RABL2B: variants seen among roughly 807,000 people sequenced by gnomAD.
RABL2B encodes RAB, member of RAS oncogene family like 2B.
RABL2B carries 17 observed loss-of-function variants against 26.7 expected under a neutral mutation model. That is an observed-to-expected ratio of 0.64 (90% CI 0.44 to 0.95). The LOEUF (loss-of-function observed/expected upper bound fraction) is 0.95, where lower values mean the gene tolerates loss of function less well. RABL2B is among the 40% of genes least tolerant of loss of function. RABL2B has a pLI of 0.00. For synonymous variants in RABL2B, 70 were observed against 103.9 expected (o/e 0.67, Z 1.99); for missense variants, 170 against 277.2 (o/e 0.61, Z 2.75).
At chr22:50,770,506 A>T (rs2083982260) in intron 5 of RABL2B, 1 of 164,992 alleles carries the variant, frequency 6.1e-6, no homozygotes, top group Admixed American at 5.6e-5. Flanking sequence ...AACAAGAGCA[A>T]AACTCTGTCT....
In RABL2B at chr22:50,783,569, G is replaced by C. The variant is rs1555932533; in HGVS notation, c.-122C>G. On this transcript the variant is annotated 5_prime_UTR_variant, in exon 1 of 9. Coordinates refer to ENST00000691320, the MANE Select transcript of RABL2B (RefSeq NM_001130919.3). ...GTCGGCCCCTCGGGCCCTGCCGCCA[G>C]TCTGGACTCTGCGCGCTCTCGAACC... The C allele has an allele frequency of 2.6e-5, 4 of 152,492 alleles. No homozygotes were observed. The highest frequency in any genetic ancestry group is 9.6e-5 in the African/African-American group (4 of 41,486). The allele number at this position is 152,492 out of a possible 1,614,324, so 9.4% of individuals were successfully genotyped here. A position where few individuals can be genotyped will look rare whatever the true frequency, so the allele number is the denominator to read the frequency against.
chr22:50,769,751 G>A (rs575625238), intron 6 of RABL2B, 154 bp downstream of exon 6: 36 of 865,534 alleles, frequency 4.2e-5, no homozygotes, highest in Admixed American at 8.0e-5. Flanking sequence ...TCTTTATAAG[G>A]TGGGAAGAAT....
rs2084385117 is a variant in RABL2B at position 50,772,834 on chromosome 22, C to T, written c.298-2818G>A. The T allele has an allele frequency of 3.4e-6, 4 of 1,170,410 alleles. No individual in the cohort carries two copies. In the East Asian group the frequency reaches 2.4e-4, roughly 69 times the overall value. 72.5% of individuals were successfully genotyped at this position (1,170,410 alleles called of 1,614,324 possible). A position where few individuals can be genotyped will look rare whatever the true frequency, so the allele number is the denominator to read the frequency against. On this transcript the variant is annotated intron_variant, in intron 5 of 8. Transcript: ENST00000691320. ...GGTCTGGTTTCCTGAGCATCTGTTC[C>T]TTGTTTTGAGAGCTGAGGAGGAGCT...
Position 50,768,688 on chromosome 22 carries a change from G to A in RABL2B, c.*88C>T. 6.7e-7 allele frequency: 1 copy of A among 1,501,004 alleles called. No individual in the cohort carries two copies. The highest frequency in any genetic ancestry group is 8.9e-7 in the Non-Finnish European group (1 of 1,124,842). 93.0% of individuals were successfully genotyped at this position (1,501,004 alleles called of 1,614,324 possible). On this transcript the variant is annotated 3_prime_UTR_variant, in exon 9 of 9. Coordinates refer to ENST00000691320, the MANE Select transcript of RABL2B (RefSeq NM_001130919.3). ...GTTGCAGGAGGTAGAAGAGGGGATG[G>A]CCTAGAGAGTTTCTCCATTCAGAGC...
At chr22:50,769,577 GTC>G (rs144874090) in intron 6 of RABL2B, 25 bp from the exon 7 acceptor site, 101,147 of 1,610,264 alleles carry the variant, frequency 0.063, 4,944 homozygotes, top group African/African-American at 0.26. Context: ...TAGGACATTG[GTC>G]TGTCTGTCAA....
chr22:50,780,897 C>A (rs2085725064), intron 2 of RABL2B, among the ~76,000 whole-genome samples: 1 of 152,154 alleles, frequency 6.6e-6, no homozygotes, highest in Non-Finnish European at 1.5e-5. Context: ...TTGCTTTACA[C>A]CTGCCTGCCA....
At chr22:50,771,842 T>C (rs1434530368) in intron 5 of RABL2B, 5 of 151,904 alleles carry the variant, frequency 3.3e-5, no homozygotes, top group Admixed American at 3.3e-4. Flanking sequence ...ACTCCCGGTC[T>C]CAAGTGATCC....
chr22:50,781,276 G>A (rs147475742), intron 2 of RABL2B, among the ~76,000 whole-genome samples: 7,844 of 151,146 alleles, frequency 0.052, 227 homozygotes, highest in African/African-American at 0.081. Flanking sequence ...CCCGGGAGGC[G>A]GAGCTTGCAG....
At chr22:50,779,277 C>T (rs1250966024) in intron 2 of RABL2B, among the ~76,000 whole-genome samples, 2 of 151,442 alleles carry the variant, frequency 1.3e-5, no homozygotes, top group African/African-American at 2.4e-5. Context: ...AGAACCAGCT[C>T]GGCAGGCCTG....
At position 50,782,271 on chromosome 22, in the gene RABL2B, C is replaced by T. The variant is rs201767840; in HGVS notation, c.24G>A (p.Pro8=). Residue 8 remains proline (P), a synonymous_variant, in exon 2 of 9, where the codon CCG becomes CCA. Coordinates refer to ENST00000691320, the MANE Select transcript of RABL2B (RefSeq NM_001130919.3). The part of the protein sequence containing the change: MAEDKTK[P]SELDQGKYDA... ...CATACTTCCCTTGGTCCAACTCACT[C>T]GGTTTGGTTTTGTCTTCTGCCATTG... 1.1e-3 allele frequency: 1,772 copies of T among 1,553,512 alleles called. 26 individuals carry two copies. In the Admixed American group the frequency reaches 0.026, roughly 22 times the overall value.
In RABL2B at chr22:50,768,734, G is replaced by T. The variant is rs782600709; in HGVS notation, c.*42C>A. The T allele has an allele frequency of 1.2e-5, 19 of 1,601,168 alleles. No homozygotes were observed. In the African/African-American group the frequency reaches 2.4e-4, roughly 20 times the overall value. ...AGAGCTGGAGAGTTGTTGAAGGGAA[G>T]GGTATTTTAAAAGGGCTCCACCCAC... On this transcript the variant is annotated 3_prime_UTR_variant, in exon 9 of 9. Transcript: ENST00000691320.
chr22:50,780,654 G>C, intron 2 of RABL2B: 1 of 470,442 alleles, frequency 2.1e-6, no homozygotes, highest in Non-Finnish European at 4.4e-6. Context: ...CTTTGTATCT[G>C]GGACAACCTT....
chr22:50,775,968 A>G lies in RABL2B; in HGVS notation c.218-117T>C, dbSNP rs1390010170. 17 of 972,462 alleles carry G rather than the reference A, an allele frequency of 1.7e-5. No individual in the cohort carries two copies. The African/African-American group carries it at 2.2e-4, about 13-fold the overall frequency. The allele number at this position is 972,462 out of a possible 1,614,324, so 60.2% of individuals were successfully genotyped here. A position where few individuals can be genotyped will look rare whatever the true frequency, so the allele number is the denominator to read the frequency against. On this transcript the variant is annotated intron_variant, in intron 4 of 8. Coordinates refer to ENST00000691320, the MANE Select transcript of RABL2B (RefSeq NM_001130919.3). ...ATGTGTGAGTGTACATGGGGAGCAC[A>G]GGGAGAAACAGAGACTATACAGCCC...
chr22:50,777,597 C>A lies in RABL2B; in HGVS notation c.137+355G>T. On this transcript the variant is annotated intron_variant, in intron 3 of 8. Transcript: ENST00000691320. ...AGAGATTTTTTTCAATAGTAGGGGG[C>A]CCAAGCTTTGAGGTTAGAGAGGTTA... is the stretch of plus-strand genomic sequence containing the variant. 3 of 337,564 alleles carry A rather than the reference C, an allele frequency of 8.9e-6. No individual in the cohort carries two copies. In the South Asian group the frequency reaches 9.0e-5, roughly 10 times the overall value. 20.9% of individuals were successfully genotyped at this position (337,564 alleles called of 1,614,324 possible).
chr22:50,768,605 T>A lies in RABL2B; in HGVS notation c.*171A>T. On this transcript the variant is annotated 3_prime_UTR_variant, in exon 9 of 9. Coordinates refer to ENST00000691320, the MANE Select transcript of RABL2B (RefSeq NM_001130919.3). ...CTTCCACCAGTCCAGAGTTTGCTGG[T>A]GCTGACCTCATCCCTGTATCACGGG... 3 of 1,443,004 alleles carry A rather than the reference T, an allele frequency of 2.1e-6. No homozygotes were observed. Among genetic ancestry groups the A allele is most frequent in the Non-Finnish European group, 2.8e-6 (3 of 1,089,372 alleles). 89.4% of individuals were successfully genotyped at this position (1,443,004 alleles called of 1,614,324 possible).
chr22:50,781,549 A>G (rs1555929239), intron 2 of RABL2B, among the ~76,000 whole-genome samples: 1 of 152,152 alleles, frequency 6.6e-6, no homozygotes, highest in Non-Finnish European at 1.5e-5. Context: ...GGCCTGGAGT[A>G]CTTGGGAGAT....
At chr22:50,774,149 C>A (rs1259333301) in intron 5 of RABL2B, among the ~76,000 whole-genome samples, 2 of 152,238 alleles carry the variant, frequency 1.3e-5, no homozygotes, top group African/African-American at 4.8e-5. Context: ...CCCGCCTCGG[C>A]CTCCCAAAGT....
chr22:50,782,224 A>G lies in RABL2B; in HGVS notation c.71T>C (p.Ile24Thr). 2 of 1,566,418 alleles carry G rather than the reference A, an allele frequency of 1.3e-6. No individual in the cohort carries two copies. The highest frequency in any genetic ancestry group is 1.7e-6 in the Non-Finnish European group (2 of 1,146,462). ...CACTGCGCTGTCTCCCAGGCAGATG[A>G]TCTTCACGTTGTCATCAGCATCATA... ...GKYDADDNVK[I>T]ICLGDSAVGK... The change falls in exon 2 of 9, where the codon ATC (isoleucine) becomes ACC (threonine). Residue 24 changes from isoleucine (I) to threonine (T), a missense_variant. Physicochemically the swap from Ile to Thr is moderately conservative, Grantham distance 89. Transcript: ENST00000691320.
At chr22:50,772,366 A>C (rs2084317368) in intron 5 of RABL2B, 1 of 985,418 alleles carries the variant, frequency 1.0e-6, no homozygotes, top group Non-Finnish European at 1.2e-6. Flanking sequence ...AAGAAGGATG[A>C]GCACTGCAAA....
Sources: gnomAD v4.1 joint callset for allele counts (sites outside exome capture counted in the v4.1 genomes callset) on GRCh38, gnomAD v4.1.1 for gene constraint, MANE v1.5 for transcripts, NCBI Gene and HGNC (gene_info 2026-07-23, HGNC 2026-07-21) for gene names.